The following PACSIN2 variants were observed in gnomAD, a reference collection of about 807,000 sequenced individuals.
The protein encoded by PACSIN2 is protein kinase C and casein kinase substrate in neurons protein 2.
In PACSIN2, 25 loss-of-function variants were observed where a neutral mutation model predicts 63.8. The ratio of observed to expected loss-of-function variants is 0.39; its 90% CI spans 0.29 to 0.55. The LOEUF is 0.55. Among genes scored for constraint, PACSIN2 ranks in the 20% least tolerant of loss-of-function variants. The pLI is 0.62. For synonymous variants in PACSIN2, 255 were observed against 256.2 expected (o/e 1.00, Z 0.05); for missense variants, 518 against 646.9 (o/e 0.80, Z 2.16).
At chr22:42,879,450 C>A (rs1466218373) in intron 7 of PACSIN2, among the ~76,000 whole-genome samples, 1 of 152,228 alleles carries the variant, frequency 6.6e-6, no homozygotes, top group Non-Finnish European at 1.5e-5. Flanking sequence ...ATGCTGCCCA[C>A]CTCCCAGAGG....
At chr22:42,877,390 C>T (rs1253323926) in intron 8 of PACSIN2, among the ~76,000 whole-genome samples, 1 of 152,112 alleles carries the variant, frequency 6.6e-6, no homozygotes. Flanking sequence ...AAAAGCCCCT[C>T]AGGGTCTCCT....
chr22:42,927,886 C>A (rs1304883731), intron 1 of PACSIN2, among the ~76,000 whole-genome samples: 1 of 152,206 alleles, frequency 6.6e-6, no homozygotes, highest in Non-Finnish European at 1.5e-5. Context: ...CGTGCCCGGC[C>A]TCAGTCATTT....
At chr22:42,940,685 C>G (rs1933117646) in intron 1 of PACSIN2, among the ~76,000 whole-genome samples, 1 of 152,218 alleles carries the variant, frequency 6.6e-6, no homozygotes, top group Non-Finnish European at 1.5e-5. Context: ...CCACCGCCAC[C>G]ACCTCCTCCC....
intron 1 of PACSIN2, among the ~76,000 whole-genome samples, chr22:42,979,263 C>A (rs1214799510): frequency 2.0e-5 from 3 of 152,168 alleles, no homozygotes; most frequent in Middle Eastern, 3.4e-3. Context: ...GTGGCTCATG[C>A]CTGCAATCTC....
chr22:43,010,400 T>TATATATATATATA (rs1569377806), intron 1 of PACSIN2, among the ~76,000 whole-genome samples: 2 of 44,082 alleles, frequency 4.5e-5, no homozygotes, highest in African/African-American at 1.8e-4. Context: ...ATATATATAT[T>TATATATATATATA]TTTTTTTAAT....
intron 1 of PACSIN2, among the ~76,000 whole-genome samples, chr22:42,962,735 G>C (rs1920926541): frequency 8.7e-6 from 1 of 115,168 alleles, no homozygotes; most frequent in African/African-American, 3.2e-5. Context: ...GGCATTGTGA[G>C]TCCTGCCCCA....
chr22:42,979,270 T>G (rs1004978144), intron 1 of PACSIN2, among the ~76,000 whole-genome samples: 4 of 152,228 alleles, frequency 2.6e-5, no homozygotes, highest in Middle Eastern at 3.4e-3. Context: ...ATGCCTGCAA[T>G]CTCAGCACTT....
chr22:42,931,555 G>A (rs914978148), intron 1 of PACSIN2, among the ~76,000 whole-genome samples: 2 of 152,168 alleles, frequency 1.3e-5, no homozygotes, highest in African/African-American at 4.8e-5. Context: ...GGGTTCAGAG[G>A]GCTCCACAAA....
intron 5 of PACSIN2, among the ~76,000 whole-genome samples, chr22:42,884,819 C>T (rs1929354575): frequency 6.6e-6 from 1 of 152,262 alleles, no homozygotes; most frequent in Non-Finnish European, 1.5e-5. Flanking sequence ...CTCCCCAGAA[C>T]TCAGTGTGTA....
intron 2 of PACSIN2, chr22:42,909,600 G>T (rs1326132524): frequency 2.1e-6 from 1 of 471,022 alleles, no homozygotes; most frequent in Non-Finnish European, 4.4e-6. Flanking sequence ...ATCACAAGCT[G>T]AGCAGAGCCC....
At chr22:42,985,179 T>A (rs1327734788) in intron 1 of PACSIN2, among the ~76,000 whole-genome samples, 1 of 152,076 alleles carries the variant, frequency 6.6e-6, no homozygotes, top group Non-Finnish European at 1.5e-5. Flanking sequence ...AATACAAAAC[T>A]CAGCCAGGAG....
intron 1 of PACSIN2, among the ~76,000 whole-genome samples, chr22:42,978,607 G>T (rs922460276): frequency 6.6e-6 from 1 of 152,144 alleles, no homozygotes. Context: ...TTCCATGCCC[G>T]CACTGACGGT....
At chr22:42,901,153 C>T (rs1334108086) in intron 2 of PACSIN2, among the ~76,000 whole-genome samples, 9 of 152,184 alleles carry the variant, frequency 5.9e-5, no homozygotes, top group Admixed American at 2.0e-4. Context: ...AGCACCACAA[C>T]CGCTCCCTCT....
chr22:42,987,530 CTTT>C (rs1160565529), intron 1 of PACSIN2, among the ~76,000 whole-genome samples: 5 of 52,026 alleles, frequency 9.6e-5, no homozygotes, highest in Non-Finnish European at 9.3e-5. Context: ...CACATTCATT[CTTT>C]TTTTTTTTTT....
chr22:42,923,591 C>T (rs1932340846), intron 1 of PACSIN2, among the ~76,000 whole-genome samples: 1 of 152,160 alleles, frequency 6.6e-6, no homozygotes, highest in African/African-American at 2.4e-5. Context: ...CCATGCCTGG[C>T]TAATTTTTTG....
At chr22:42,982,620 A>C (rs1161309365) in intron 1 of PACSIN2, among the ~76,000 whole-genome samples, 1 of 125,274 alleles carries the variant, frequency 8.0e-6, no homozygotes, top group Non-Finnish European at 1.6e-5. Context: ...ACTCAGGGTT[A>C]AATGGATTAA....
At position 42,876,407 on chromosome 22, in the gene PACSIN2, G is replaced by A. The variant is rs545701568; in HGVS notation, c.1152-74C>T. ...GTGTGAGGCCCCCGCCCCGCAAGGG[G>A]AGGGCACTGGAGCCTTGGGGCTCAG... is the stretch of plus-strand genomic sequence containing the variant. On this transcript the variant is annotated intron_variant, in intron 9 of 10. Transcript: ENST00000263246. 840 of 1,290,376 alleles carry A rather than the reference G, an allele frequency of 6.5e-4. 15 individuals carry two copies. The South Asian group carries it at 0.01, about 16-fold the overall frequency. The allele number at this position is 1,290,376 out of a possible 1,614,324, so 79.9% of individuals were successfully genotyped here.
chr22:42,891,892 C>G (rs1929939710), intron 3 of PACSIN2, among the ~76,000 whole-genome samples: 1 of 152,234 alleles, frequency 6.6e-6, no homozygotes, highest in Non-Finnish European at 1.5e-5. Context: ...TCCTATCAGC[C>G]CTGCTTGGCC....
intron 7 of PACSIN2, among the ~76,000 whole-genome samples, chr22:42,881,556 C>T (rs1439984038): frequency 6.6e-6 from 1 of 152,328 alleles, no homozygotes; most frequent in East Asian, 1.9e-4. Flanking sequence ...GACCTTTGCC[C>T]ACTGCCTTCA....
Sources: allele counts gnomAD v4.1 joint callset (sites outside exome capture counted in the v4.1 genomes callset), GRCh38; gene constraint gnomAD v4.1.1; transcripts MANE v1.5; gene names NCBI Gene and HGNC (gene_info 2026-07-23, HGNC 2026-07-21).